JAKMIP2: variants seen among roughly 807,000 people sequenced by gnomAD.
JAKMIP2 encodes the protein janus kinase and microtubule-interacting protein 2.
In JAKMIP2, 25 loss-of-function variants were observed where a neutral mutation model predicts 115.0. That is an observed-to-expected ratio of 0.22 (90% CI 0.16 to 0.30). The LOEUF is 0.30. JAKMIP2 is among the 10% of genes least tolerant of loss of function. JAKMIP2 has a pLI of 1.00. For synonymous variants in JAKMIP2, 334 were observed against 343.6 expected (o/e 0.97, Z 0.31); for missense variants, 642 against 957.6 (o/e 0.67, Z 4.35).
At chr5:147,691,383 G>T (rs751125674) in intron 1 of JAKMIP2, among the ~76,000 whole-genome samples, 16 of 152,260 alleles carry the variant, frequency 1.1e-4, no homozygotes, top group Non-Finnish European at 2.1e-4. Flanking sequence ...TTACTGTGAA[G>T]TAATTTGGAT....
chr5:147,626,282 T>C (rs1303040106), intron 16 of JAKMIP2, among the ~76,000 whole-genome samples: 3 of 152,240 alleles, frequency 2.0e-5, no homozygotes, highest in Non-Finnish European at 4.4e-5. Context: ...CCTAGCTTTC[T>C]ACCACAGTGC....
In JAKMIP2 at chr5:147,689,090, TG is replaced by T. The variant is rs573288691; in HGVS notation, c.-148-17137del. Among the ~76,000 whole-genome samples the T allele has an allele frequency of 5.4e-3, 819 of 152,168 alleles. 11 individuals carry two copies. Among genetic ancestry groups the T allele is most frequent in the African/African-American group, 0.019 (769 of 41,506 alleles). ...TGCTATTTGATTAAAGGCTGATGCC[TG>T]GGGGGGAAAGCGTGCCAGGGTAGTG... On this transcript the variant is annotated intron_variant, in intron 1 of 21. Transcript: ENST00000616793.
intron 16 of JAKMIP2, among the ~76,000 whole-genome samples, chr5:147,627,708 A>G (rs1408491668): frequency 1.6e-5 from 2 of 126,954 alleles, no homozygotes; most frequent in Non-Finnish European, 3.4e-5. Flanking sequence ...AAAAAAACCC[A>G]CAAGGTTATT....
chr5:147,745,668 T>C (rs1460171680), intron 1 of JAKMIP2, among the ~76,000 whole-genome samples: 1 of 152,220 alleles, frequency 6.6e-6, no homozygotes, highest in Non-Finnish European at 1.5e-5. Context: ...ATCTGCTCCG[T>C]ACTTTCTTAT....
Position 147,669,838 on chromosome 5 carries a change from A to G in JAKMIP2, c.129+1840T>C, listed in dbSNP as rs114472659. On this transcript the variant is annotated intron_variant, in intron 2 of 21. Transcript: ENST00000616793. ...ATTGCCAGGGCTGCTTTACCGAATT[A>G]CAAGTCCTGGTTCTCACCTCACTAC... Among the ~76,000 whole-genome samples, 1,417 of 152,306 alleles carry G rather than the reference A, an allele frequency of 9.3e-3. 20 individuals are homozygous for G. The highest frequency in any genetic ancestry group is 0.02 in the South Asian group (98 of 4,830).
At chr5:147,677,237 C>T (rs996454298) in intron 1 of JAKMIP2, among the ~76,000 whole-genome samples, 3 of 152,172 alleles carry the variant, frequency 2.0e-5, no homozygotes, top group African/African-American at 4.8e-5. Context: ...GCACAGCTCA[C>T]GACGCAAGAA....
At chr5:147,603,477 C>A (rs1437088669) in intron 20 of JAKMIP2, among the ~76,000 whole-genome samples, 2 of 152,074 alleles carry the variant, frequency 1.3e-5, no homozygotes, top group African/African-American at 4.8e-5. Context: ...TTACATGTAC[C>A]CTGAGTGGGT....
At chr5:147,627,387 TG>T (rs1456917145) in intron 16 of JAKMIP2, among the ~76,000 whole-genome samples, 4 of 149,092 alleles carry the variant, frequency 2.7e-5, no homozygotes, top group Non-Finnish European at 6.0e-5. Context: ...GGACCAAGAG[TG>T]GAGAATGGAG....
intron 1 of JAKMIP2, among the ~76,000 whole-genome samples, chr5:147,779,698 C>T (rs190096345): frequency 6.6e-6 from 1 of 152,126 alleles, no homozygotes; most frequent in East Asian, 1.9e-4. Flanking sequence ...AAGTCAACTA[C>T]AAAATGGAGT....
intron 10 of JAKMIP2, among the ~76,000 whole-genome samples, chr5:147,639,370 G>A (rs1417565240): frequency 6.6e-6 from 1 of 152,122 alleles, no homozygotes; most frequent in Non-Finnish European, 1.5e-5. Context: ...ATATTGTCTA[G>A]CTTTGAAAAT....
chr5:147,764,924 G>GAAAGAAAGAAAGAAAGAA (rs1561582369), intron 1 of JAKMIP2, among the ~76,000 whole-genome samples: 1 of 63,096 alleles, frequency 1.6e-5, no homozygotes, highest in African/African-American at 1.0e-4. Flanking sequence ...GAAAGAAAGA[G>GAAAGAAAGAAAGAAAGAA]AGAGAGAGAG....
At chr5:147,621,599 A>G (rs1756850296) in intron 17 of JAKMIP2, among the ~76,000 whole-genome samples, 1 of 152,220 alleles carries the variant, frequency 6.6e-6, no homozygotes, top group South Asian at 2.1e-4. Context: ...AAGAGCTTTC[A>G]AGGGTAATTT....
chr5:147,643,955 T>C (rs2126726042), intron 7 of JAKMIP2, 103 bp downstream of exon 7: 2 of 855,706 alleles, frequency 2.3e-6, no homozygotes, highest in Middle Eastern at 2.4e-4. Context: ...CATATGAACT[T>C]GGGCCTCTGG....
At chr5:147,618,557 T>C (rs1756697592) in intron 18 of JAKMIP2, among the ~76,000 whole-genome samples, 3 of 152,034 alleles carry the variant, frequency 2.0e-5, no homozygotes, top group Non-Finnish European at 4.4e-5. Context: ...GCCAATGTGG[T>C]GAAACCCCAT....
chr5:147,604,254 A>C (rs1216594765), intron 20 of JAKMIP2, among the ~76,000 whole-genome samples: 1 of 152,218 alleles, frequency 6.6e-6, no homozygotes, highest in Non-Finnish European at 1.5e-5. Context: ...TCAAATTTAA[A>C]ATTTTGCAGA....
intron 21 of JAKMIP2, chr5:147,594,612 AGCCACTGT>A (rs1433596947): frequency 1.0e-5 from 3 of 300,880 alleles, no homozygotes; most frequent in African/African-American, 6.5e-5. Context: ...GTGATTACAG[AGCCACTGT>A]GCCCAGCTAA....
chr5:147,603,045 T>G (rs1755792699), intron 20 of JAKMIP2, among the ~76,000 whole-genome samples: 1 of 152,162 alleles, frequency 6.6e-6, no homozygotes, highest in African/African-American at 2.4e-5. Context: ...TTCCCATTCC[T>G]GCTATTTCTA....
intron 1 of JAKMIP2, among the ~76,000 whole-genome samples, chr5:147,765,972 T>G (rs1755141281): frequency 6.6e-6 from 1 of 152,166 alleles, no homozygotes; most frequent in Admixed American, 6.5e-5. Context: ...CTTCATTACA[T>G]TCCAACCAGT....
At chr5:147,732,969 A>G (rs1753789527) in intron 1 of JAKMIP2, among the ~76,000 whole-genome samples, 1 of 152,236 alleles carries the variant, frequency 6.6e-6, no homozygotes, top group Non-Finnish European at 1.5e-5. Flanking sequence ...TCCAAAATTA[A>G]GATCCTTATA....
Sources: allele counts gnomAD v4.1 joint callset (sites outside exome capture counted in the v4.1 genomes callset), GRCh38; gene constraint gnomAD v4.1.1; transcripts MANE v1.5; gene names NCBI Gene and HGNC (gene_info 2026-07-23, HGNC 2026-07-21).